The following MCPH1 variants were observed in gnomAD, a reference collection of about 807,000 sequenced individuals.
The protein encoded by MCPH1 is microcephalin.
In MCPH1, 104 loss-of-function variants were observed where a neutral mutation model predicts 84.5. The observed-to-expected ratio is 1.23, with a 90% CI of 1.05 to 1.45. MCPH1 has a LOEUF of 1.45. Ranked by LOEUF, MCPH1 falls within the 40% of genes most tolerant of loss-of-function variation. MCPH1 has a pLI of 0.00. For missense variants in MCPH1, 1,498 were observed against 1,005.7 expected, an observed-to-expected ratio of 1.49 and a Z score of -6.62; for synonymous variants, 514 against 366.8, an observed-to-expected ratio of 1.40 and a Z score of -4.58.
intron 12 of MCPH1, chr8:6,513,941 A>G: frequency 8.5e-7 from 1 of 1,170,148 alleles, no homozygotes; most frequent in South Asian, 1.7e-5. Context: ...ATAACTATCA[A>G]ATAGCAGAAA....
rs766496489 is a variant in MCPH1, at chr8:6,480,783, G to T, written c.2043G>T (p.Glu681Asp). The T allele has an allele frequency of 1.2e-6, 2 of 1,614,220 alleles. No homozygotes were observed. The highest frequency in any genetic ancestry group is 2.2e-5 in the East Asian group (1 of 44,870). ...TTTCAATTGCACCAGACGTCTGTGA[G>T]ACCACGACTCACGTGCTTTCCGGGA... ...KGFSIAPDVCETTTHVLSGKP... is the reference protein window; with the variant it reads ...KGFSIAPDVCDTTTHVLSGKP... The change falls in exon 11 of 14, where the codon GAG becomes GAT. Residue 681 changes from glutamate (E) to aspartate (D), a missense_variant. Coordinates refer to ENST00000344683, the MANE Select transcript of MCPH1 (RefSeq NM_024596.5).
intron 11 of MCPH1, among the ~76,000 whole-genome samples, chr8:6,487,705 GGA>G (rs1810102501): frequency 1.3e-5 from 2 of 152,168 alleles, no homozygotes; most frequent in Admixed American, 6.5e-5. Context: ...AAGCTGACTA[GGA>G]TCTCAGGCCT....
rs1798207133 is a variant in MCPH1 at position 6,646,159 on chromosome 8, T to C, written c.*3110T>C. 1 of 152,212 alleles carries C rather than the reference T, an allele frequency of 6.6e-6. No homozygotes were observed. Among genetic ancestry groups the C allele is most frequent in the African/African-American group, 2.4e-5 (1 of 41,450 alleles). 9.4% of individuals were successfully genotyped at this position (152,212 alleles called of 1,614,324 possible). ...CAAAGTATCAGCCAGGTGCCGTGGC[T>C]CACATCTGTAATACCAGCTCTCTGG... On this transcript the variant is annotated 3_prime_UTR_variant, in exon 14 of 14. Coordinates refer to ENST00000344683, the MANE Select transcript of MCPH1 (RefSeq NM_024596.5).
At chr8:6,518,436 G>A (rs926608736) in intron 12 of MCPH1, among the ~76,000 whole-genome samples, 16 of 152,162 alleles carry the variant, frequency 1.1e-4, no homozygotes, top group African/African-American at 2.7e-4. Context: ...CTTCTAGGGC[G>A]TTAGGGACAT....
intron 12 of MCPH1, chr8:6,527,812 G>T: frequency 3.5e-6 from 3 of 859,828 alleles, no homozygotes; most frequent in South Asian, 2.0e-5. Flanking sequence ...ATCTTATTTT[G>T]GCATATTTTT....
At position 6,499,605 on chromosome 8, in the gene MCPH1, C is replaced by T. The variant is rs891480576; in HGVS notation, c.2137-247C>T. The T allele has an allele frequency of 6.6e-4, 254 of 384,692 alleles. 1 individual carries two copies. The highest frequency in any genetic ancestry group is 4.6e-3 in the Middle Eastern group (6 of 1,294). 23.8% of individuals were successfully genotyped at this position (384,692 alleles called of 1,614,324 possible). On this transcript the variant is annotated intron_variant, in intron 11 of 13. Coordinates refer to ENST00000344683, the MANE Select transcript of MCPH1 (RefSeq NM_024596.5). ...TAAAAACAGGATAATATTTAAATAT[C>T]TGACCTCATGAGAATAATGACTCAG...
At chr8:6,522,938 A>G (rs1291537217) in intron 12 of MCPH1, among the ~76,000 whole-genome samples, 1 of 151,972 alleles carries the variant, frequency 6.6e-6, no homozygotes, top group Admixed American at 6.6e-5. Flanking sequence ...AAATCTAACC[A>G]GCGCTATGGC....
In MCPH1 at chr8:6,444,886, C is replaced by T. The variant is rs369240440; in HGVS notation, c.1164C>T (p.Cys388=). The T allele has an allele frequency of 1.9e-5, 30 of 1,614,018 alleles. No individual in the cohort carries two copies. Among genetic ancestry groups the T allele is most frequent in the Non-Finnish European group, 2.5e-5 (30 of 1,180,010 alleles). Residue 388 remains cysteine, a synonymous_variant, in exon 8 of 14, where the codon TGC becomes TGT. Coordinates refer to ENST00000344683, the MANE Select transcript of MCPH1 (RefSeq NM_024596.5). ...CTATCATGCCGAGGCTGCAGCTGTG[C>T]AGGTCGGAAGACAGGCTGCAGCACG... The part of the protein sequence containing the change: ...RRSIMPRLQL[C]RSEDRLQHVA...
At chr8:6,416,076 A>AT (rs1357960542) in intron 3 of MCPH1, among the ~76,000 whole-genome samples, 2 of 151,970 alleles carry the variant, frequency 1.3e-5, no homozygotes, top group Non-Finnish European at 2.9e-5. Flanking sequence ...TGTTTTCTTA[A>AT]TTTTTTTAAG....
chr8:6,522,578 A>C (rs377506206), intron 12 of MCPH1, among the ~76,000 whole-genome samples: 1 of 152,038 alleles, frequency 6.6e-6, no homozygotes, highest in African/African-American at 2.4e-5. Flanking sequence ...GCTTGAGAGC[A>C]GGCTGGCCAA....
At chr8:6,446,830 G>A (rs1187742288) in intron 8 of MCPH1, 5 of 985,246 alleles carry the variant, frequency 5.1e-6, no homozygotes, top group Middle Eastern at 5.2e-4. Context: ...CGTGTTGCTG[G>A]GAGTGTGCTA....
chr8:6,413,468 A>T (rs1798818789), intron 2 of MCPH1, among the ~76,000 whole-genome samples: 1 of 150,480 alleles, frequency 6.6e-6, no homozygotes. Context: ...TTCTTTGATT[A>T]TTTCTTTAAT....
At chr8:6,620,944 T>C (rs1223738550) in intron 12 of MCPH1, 2 of 174,102 alleles carry the variant, frequency 1.1e-5, no homozygotes, top group Non-Finnish European at 2.5e-5. Flanking sequence ...TGCCTCACTC[T>C]CCCTTTCCCC....
At position 6,455,182 on chromosome 8, in the gene MCPH1, A is replaced by T; in HGVS notation, c.1865A>T (p.Asp622Val). Residue 622 changes from aspartate (D) to valine (V), a missense_variant, in exon 9 of 14, where the codon GAC becomes GTC. Physicochemically the swap from Asp to Val is radical, Grantham distance 152. Coordinates refer to ENST00000344683, the MANE Select transcript of MCPH1 (RefSeq NM_024596.5). ...NRPTRHDVLDDSCDGFKDLIK... is the reference protein window; with the variant it reads ...NRPTRHDVLDVSCDGFKDLIK... ...CCAACAAGGCATGATGTTTTAGATGACTCATGTGACGGCTTTAAGGACCTC... is the reference window on the plus strand; with the variant it reads ...CCAACAAGGCATGATGTTTTAGATGTCTCATGTGACGGCTTTAAGGACCTC... The T allele has an allele frequency of 6.2e-7, 1 of 1,614,074 alleles. No homozygotes were observed. The highest frequency in any genetic ancestry group is 8.5e-7 in the Non-Finnish European group (1 of 1,179,964).
intron 12 of MCPH1, among the ~76,000 whole-genome samples, chr8:6,518,099 G>A (rs1816629099): frequency 6.6e-6 from 1 of 152,102 alleles, no homozygotes; most frequent in South Asian, 2.1e-4. Context: ...GGGTGGGACA[G>A]TGCACTGGGG....
At chr8:6,477,166 C>G (rs1808579999) in intron 9 of MCPH1, 1 of 165,152 alleles carries the variant, frequency 6.1e-6, no homozygotes, top group African/African-American at 2.4e-5. Flanking sequence ...GCAACAGAAG[C>G]ACAAGCATTA....
chr8:6,498,503 T>C (rs1312866404), intron 11 of MCPH1, among the ~76,000 whole-genome samples: 3 of 152,226 alleles, frequency 2.0e-5, no homozygotes, highest in Non-Finnish European at 4.4e-5. Flanking sequence ...TTTAGCTTCT[T>C]ATGGTTTTGT....
intron 4 of MCPH1, among the ~76,000 whole-genome samples, chr8:6,434,777 T>C (rs1585739399): frequency 6.6e-6 from 1 of 152,344 alleles, no homozygotes; most frequent in African/African-American, 2.4e-5. Flanking sequence ...GCTACCCATG[T>C]AAGCAAATTT....
intron 12 of MCPH1, among the ~76,000 whole-genome samples, chr8:6,614,213 G>T (rs1386617303): frequency 6.6e-6 from 1 of 152,252 alleles, no homozygotes; most frequent in Non-Finnish European, 1.5e-5. Context: ...CTAGGATATG[G>T]TTTTGGAGAC....
Sources: gnomAD v4.1 joint callset for allele counts (sites outside exome capture counted in the v4.1 genomes callset) on GRCh38, gnomAD v4.1.1 for gene constraint, MANE v1.5 for transcripts, NCBI Gene and HGNC (gene_info 2026-07-23, HGNC 2026-07-21) for gene names.